Variants in STAM2 observed in about 807,000 individuals in gnomAD.
STAM2 encodes signal transducing adapter molecule 2.
STAM2 carries 51 observed loss-of-function variants against 65.6 expected under a neutral mutation model. The ratio of observed to expected loss-of-function variants is 0.78; its 90% CI spans 0.62 to 0.98. STAM2 has a LOEUF of 0.98. Ranked by LOEUF, STAM2 falls within the 50% of genes least tolerant of loss-of-function variation. STAM2 has a pLI of 0.00. For missense variants in STAM2, 584 were observed against 617.8 expected, an observed-to-expected ratio of 0.95 and a Z score of 0.58; for synonymous variants, 198 against 208.4, an observed-to-expected ratio of 0.95 and a Z score of 0.43.
intron 1 of STAM2, among the ~76,000 whole-genome samples, chr2:152,160,873 T>TG (rs1316343452): frequency 2.2e-4 from 30 of 133,704 alleles, no homozygotes; most frequent in Non-Finnish European, 3.8e-4. Flanking sequence ...GGGAGGGAGG[T>TG]GGGGGGGTCA....
At chr2:152,122,924 G>A (rs1243143307) in intron 13 of STAM2, among the ~76,000 whole-genome samples, 1 of 151,828 alleles carries the variant, frequency 6.6e-6, no homozygotes, top group Non-Finnish European at 1.5e-5. Flanking sequence ...AAAATTAGCA[G>A]AACATGGTGG....
intron 2 of STAM2, among the ~76,000 whole-genome samples, chr2:152,149,496 CT>C (rs70974823): frequency 0.29 from 36,941 of 126,346 alleles, 4,316 homozygotes; most frequent in East Asian, 0.72. Context: ...ATAGTCTACT[CT>C]TTTTTTTTTT....
At chr2:152,160,750 G>A (rs1324350771) in intron 1 of STAM2, among the ~76,000 whole-genome samples, 7 of 148,186 alleles carry the variant, frequency 4.7e-5, no homozygotes, top group East Asian at 2.1e-4. Flanking sequence ...GGTGAGGGGT[G>A]CCTCTGCCCG....
intron 1 of STAM2, among the ~76,000 whole-genome samples, chr2:152,170,454 G>A (rs2105571371): frequency 6.8e-6 from 1 of 148,104 alleles, no homozygotes; most frequent in South Asian, 2.1e-4. Flanking sequence ...CTGCACTCCA[G>A]CCTGGGTGAC....
rs191030254 is a variant in STAM2, at chr2:152,150,317, T to C, written c.41-88A>G. On this transcript the variant is annotated intron_variant, in intron 1 of 13. Coordinates refer to ENST00000263904, the MANE Select transcript of STAM2 (RefSeq NM_005843.6). Reference sequence around the variant, plus strand: ...TAAAGGTCCAACAGTTAAGAAATCCTACCTTTTCTATTGCCGAAGATACTA... The same window carrying C: ...TAAAGGTCCAACAGTTAAGAAATCCCACCTTTTCTATTGCCGAAGATACTA... 5,947 of 808,910 alleles carry C rather than the reference T, an allele frequency of 7.4e-3. 44 individuals are homozygous for C. The highest frequency in any genetic ancestry group is 9.9e-3 in the Non-Finnish European group (4,972 of 502,442). 50.1% of individuals were successfully genotyped at this position (808,910 alleles called of 1,614,324 possible).
intron 2 of STAM2, among the ~76,000 whole-genome samples, chr2:152,149,260 C>A (rs1689395187): frequency 1.3e-5 from 2 of 152,070 alleles, no homozygotes; most frequent in South Asian, 4.1e-4. Flanking sequence ...TATCATGTAT[C>A]CTATTGTGTC....
At chr2:152,133,606 A>G (rs976601726) in intron 8 of STAM2, 122 bp from the exon 9 acceptor site, 83 of 675,488 alleles carry the variant, frequency 1.2e-4, no homozygotes, top group Non-Finnish European at 2.0e-4. Flanking sequence ...AATATTCACC[A>G]CATTTTATAA....
intron 7 of STAM2, among the ~76,000 whole-genome samples, chr2:152,136,449 T>C (rs970920525): frequency 4.0e-5 from 6 of 151,562 alleles, no homozygotes; most frequent in African/African-American, 1.5e-4. Flanking sequence ...AAAAAAAAAA[T>C]AATAAAATTA....
intron 1 of STAM2, among the ~76,000 whole-genome samples, chr2:152,152,220 T>C (rs1689459659): frequency 6.6e-6 from 1 of 151,992 alleles, no homozygotes; most frequent in Non-Finnish European, 1.5e-5. Context: ...AGATTACTAG[T>C]TTGAGCCATC....
At position 152,143,926 on chromosome 2, in the gene STAM2, T is replaced by C. The variant is rs149506129; in HGVS notation, c.605A>G (p.Lys202Arg). Residue 202 changes from lysine to arginine, a missense_variant, in exon 7 of 14, where the codon AAG (lysine) becomes AGG (arginine). Lys to Arg is a conservative substitution (Grantham distance 26, BLOSUM62 2). Transcript: ENST00000263904. ...YPSSEIQLNN[K>R]VARKVRALYD... Reference sequence around the variant, plus strand: ...TAAAGCTCTCACTTTCCGTGCAACCTTATTATTTAACTGAATTTCTGAAGA... The same window carrying C: ...TAAAGCTCTCACTTTCCGTGCAACCCTATTATTTAACTGAATTTCTGAAGA... 6 of 1,613,840 alleles carry C rather than the reference T, an allele frequency of 3.7e-6. No individual in the cohort carries two copies. Among genetic ancestry groups the C allele is most frequent in the Non-Finnish European group, 5.1e-6 (6 of 1,179,858 alleles).
At chr2:152,168,910 T>C (rs1378306927) in intron 1 of STAM2, among the ~76,000 whole-genome samples, 1 of 152,182 alleles carries the variant, frequency 6.6e-6, no homozygotes, top group East Asian at 1.9e-4. Context: ...GCAGACCTTA[T>C]ACAAAAATTA....
At chr2:152,170,774 T>C (rs1347068588) in intron 1 of STAM2, among the ~76,000 whole-genome samples, 1 of 152,190 alleles carries the variant, frequency 6.6e-6, no homozygotes, top group African/African-American at 2.4e-5. Context: ...GGCAGGCAGA[T>C]CACCTAAGGT....
intron 13 of STAM2, among the ~76,000 whole-genome samples, chr2:152,122,207 C>A (rs1374719640): frequency 6.6e-6 from 1 of 151,686 alleles, no homozygotes; most frequent in Admixed American, 6.6e-5. Flanking sequence ...GAGAGGATTG[C>A]TTGAGGTCAG....
intron 7 of STAM2, among the ~76,000 whole-genome samples, chr2:152,142,084 A>G (rs1689259186): frequency 6.6e-6 from 1 of 152,228 alleles, no homozygotes; most frequent in African/African-American, 2.4e-5. Flanking sequence ...TTTGTCTACC[A>G]GCGATTACCA....
chr2:152,161,197 C>T (rs1689666400), intron 1 of STAM2, among the ~76,000 whole-genome samples: 1 of 151,446 alleles, frequency 6.6e-6, no homozygotes, highest in South Asian at 2.1e-4. Context: ...TGTGACCTTA[C>T]CCCCAACCCT....
chr2:152,120,556 A>G lies in STAM2; in HGVS notation c.*18T>C. On this transcript the variant is annotated 3_prime_UTR_variant, in exon 14 of 14. Transcript: ENST00000263904. ...TAATACACTTATGAAGGCTTTCAAG[A>G]AAATGCTTGATTTGTTTCTAAAGGA... 5.6e-6 allele frequency: 9 copies of G among 1,610,498 alleles called. No homozygotes were observed. Among genetic ancestry groups the G allele is most frequent in the Non-Finnish European group, 7.6e-6 (9 of 1,176,986 alleles).
chr2:152,120,608 T>G lies in STAM2; in HGVS notation c.1544A>C (p.Gln515Pro). 1 of 1,614,142 alleles carries G rather than the reference T, an allele frequency of 6.2e-7. No individual in the cohort carries two copies. The highest frequency in any genetic ancestry group is 8.5e-7 in the Non-Finnish European group (1 of 1,180,016). ...VTVPAHPVAQ[Q>P]HTNYHQQPLL ...AGGCTGCTGATGGTAATTTGTGTGC[T>G]GCTGTGCAACTGGATGAGCTGGAAC... Residue 515 changes from glutamine to proline, a missense_variant, in exon 14 of 14, where the codon CAG becomes CCG. Transcript: ENST00000263904.
At chr2:152,133,367 G>C (rs764650822) in intron 9 of STAM2, 35 bp downstream of exon 9, 8 of 1,549,288 alleles carry the variant, frequency 5.2e-6, no homozygotes, top group Non-Finnish European at 7.1e-6. Flanking sequence ...TAAATGTCTT[G>C]ATAGTTTAAC....
intron 12 of STAM2, 74 bp downstream of exon 12, chr2:152,126,152 A>C: frequency 8.1e-7 from 1 of 1,240,774 alleles, no homozygotes; most frequent in East Asian, 2.8e-5. Flanking sequence ...TCTTAATACT[A>C]TGCTATAAAA....
Sources: allele counts gnomAD v4.1 joint callset (sites outside exome capture counted in the v4.1 genomes callset), GRCh38; gene constraint gnomAD v4.1.1; transcripts MANE v1.5; gene names NCBI Gene and HGNC (gene_info 2026-07-23, HGNC 2026-07-21).